Variants in TAFA2 observed in about 807,000 individuals in gnomAD.
TAFA2 encodes chemokine-like protein TAFA-2.
A neutral mutation model predicts 18.8 loss-of-function variants in TAFA2; 7 were observed. The observed-to-expected ratio is 0.37, with a 90% confidence interval of 0.21 to 0.70. The LOEUF (loss-of-function observed/expected upper bound fraction) is 0.70. TAFA2 is among the 30% of genes least tolerant of loss of function. The probability of loss-of-function intolerance (pLI) is 0.53; values close to 1 mark genes in which losing one functional copy is unlikely to be tolerated. For synonymous variants in TAFA2, 60 were observed against 54.2 expected (o/e 1.11, Z -0.47); for missense variants, 122 against 158.1 (o/e 0.77, Z 1.23).
chr12:62,105,134 T>G (rs1464481606), intron 1 of TAFA2, among the ~76,000 whole-genome samples: 4 of 152,166 alleles, frequency 2.6e-5, no homozygotes, highest in African/African-American at 4.8e-5. Flanking sequence ...CCATACAGGT[T>G]TGGTGTGATT....
intron 2 of TAFA2, among the ~76,000 whole-genome samples, chr12:61,802,618 GT>G (rs1450562605): frequency 3.3e-5 from 5 of 151,966 alleles, no homozygotes; most frequent in East Asian, 3.9e-4. Context: ...TAGAGGGGAG[GT>G]GATGATAAGA....
intron 2 of TAFA2, among the ~76,000 whole-genome samples, chr12:61,778,666 T>C (rs1366223705): frequency 6.6e-6 from 1 of 151,902 alleles, no homozygotes; most frequent in Non-Finnish European, 1.5e-5. Flanking sequence ...AGGAGACTGA[T>C]CCAGGAAACA....
At chr12:62,165,840 G>A (rs2062434721) in intron 1 of TAFA2, among the ~76,000 whole-genome samples, 1 of 151,780 alleles carries the variant, frequency 6.6e-6, no homozygotes, top group African/African-American at 2.4e-5. Context: ...AACTCCCCAA[G>A]TTAGGGGACC....
intron 2 of TAFA2, among the ~76,000 whole-genome samples, chr12:61,762,627 C>T (rs1312264546): frequency 8.8e-6 from 1 of 113,354 alleles, no homozygotes; most frequent in Non-Finnish European, 1.9e-5. Context: ...GTTCTAATTT[C>T]ATTTTTTATA....
intron 2 of TAFA2, among the ~76,000 whole-genome samples, chr12:61,764,226 T>TGACTGATAGATAGATA (rs1555163209): frequency 6.6e-5 from 2 of 30,380 alleles, no homozygotes; most frequent in East Asian, 2.2e-3. Flanking sequence ...ATTAGATGAT[T>TGACTGATAGATAGATA]GATTGATAGA....
intron 1 of TAFA2, among the ~76,000 whole-genome samples, chr12:62,156,125 G>A (rs1236461925): frequency 6.6e-6 from 1 of 152,160 alleles, no homozygotes; most frequent in African/African-American, 2.4e-5. Flanking sequence ...CCATCAAAAA[G>A]TGGGCTAAGG....
chr12:62,104,136 A>G (rs1421585675), intron 1 of TAFA2, among the ~76,000 whole-genome samples: 1 of 152,212 alleles, frequency 6.6e-6, no homozygotes, highest in Non-Finnish European at 1.5e-5. Context: ...TTTTAATAGA[A>G]TAAAATTAGC....
intron 1 of TAFA2, among the ~76,000 whole-genome samples, chr12:61,976,287 C>A (rs1420984942): frequency 6.6e-6 from 1 of 151,810 alleles, no homozygotes; most frequent in African/African-American, 2.4e-5. Context: ...ACACTCCTAC[C>A]AACATGATAG....
At chr12:62,129,317 G>T (rs1870589565) in intron 1 of TAFA2, among the ~76,000 whole-genome samples, 1 of 151,924 alleles carries the variant, frequency 6.6e-6, no homozygotes, top group Admixed American at 6.6e-5. Flanking sequence ...CATTAAGAAA[G>T]ATCCAGTTGT....
intron 1 of TAFA2, among the ~76,000 whole-genome samples, chr12:62,163,215 C>G (rs1434477448): frequency 6.6e-6 from 1 of 151,958 alleles, no homozygotes; most frequent in African/African-American, 2.4e-5. Context: ...GGATCTCGCC[C>G]CAGAAATATG....
At chr12:61,718,800 C>A (rs756364337) in intron 4 of TAFA2, among the ~76,000 whole-genome samples, 1 of 152,110 alleles carries the variant, frequency 6.6e-6, no homozygotes, top group Non-Finnish European at 1.5e-5. Flanking sequence ...TATCCCCTTT[C>A]TGCCAGAAAG....
At position 62,153,668 on chromosome 12, in the gene TAFA2, CAAA is replaced by C. The variant is rs58786792; in HGVS notation, c.-2+37588_-2+37590del. On this transcript the variant is annotated intron_variant, in intron 1 of 4. Coordinates refer to ENST00000416284, the MANE Select transcript of TAFA2 (RefSeq NM_178539.5). ...CGGGTGACAGAGTAAGACCTTGTCTCAAAAAAAAAAAGGCAACATCAATTGTGT... is the reference window on the plus strand; with the variant it reads ...CGGGTGACAGAGTAAGACCTTGTCTCAAAAAAAAGGCAACATCAATTGTGT... Among the ~76,000 whole-genome samples, 6 of 140,760 alleles carry C rather than the reference CAAA, an allele frequency of 4.3e-5. 1 individual carries two copies. The highest frequency in any genetic ancestry group is 1.5e-4 in the African/African-American group (6 of 38,716). 92.3% of individuals were successfully genotyped at this position (140,760 alleles called of 152,430 possible). A position where few individuals can be genotyped will look rare whatever the true frequency, so the allele number is the denominator to read the frequency against.
chr12:61,835,373 G>T (rs1372254006), intron 2 of TAFA2, among the ~76,000 whole-genome samples: 1 of 151,818 alleles, frequency 6.6e-6, no homozygotes, highest in Non-Finnish European at 1.5e-5. Flanking sequence ...GGGGGGCCTG[G>T]CTTATTTTTT....
At chr12:61,749,109 T>TA (rs34814133) in intron 4 of TAFA2, among the ~76,000 whole-genome samples, 3,495 of 122,160 alleles carry the variant, frequency 0.029, 96 homozygotes, top group African/African-American at 0.081. Flanking sequence ...TTACTAAAAA[T>TA]AAAAAAAAAA....
At chr12:61,850,220 G>C in intron 2 of TAFA2, among the ~76,000 whole-genome samples, 1 of 151,776 alleles carries the variant, frequency 6.6e-6, no homozygotes. Flanking sequence ...GCTCCTCAGA[G>C]GGCAAAATTG....
intron 1 of TAFA2, among the ~76,000 whole-genome samples, chr12:62,201,193 A>G (rs928814700): frequency 6.6e-6 from 1 of 152,206 alleles, no homozygotes; most frequent in Admixed American, 6.5e-5. Context: ...AAACAGAGAC[A>G]GTTTGACTTC....
intron 1 of TAFA2, among the ~76,000 whole-genome samples, chr12:62,098,992 G>A (rs1370140143): frequency 6.6e-6 from 1 of 152,038 alleles, no homozygotes; most frequent in East Asian, 1.9e-4. Flanking sequence ...AAGACCACTT[G>A]AGGTTACAAA....
intron 1 of TAFA2, among the ~76,000 whole-genome samples, chr12:62,146,479 A>G (rs2062282332): frequency 6.6e-6 from 1 of 151,832 alleles, no homozygotes; most frequent in African/African-American, 2.4e-5. Flanking sequence ...AGACTGTTTC[A>G]TCATGTTGCC....
At chr12:61,938,479 A>G in intron 1 of TAFA2, among the ~76,000 whole-genome samples, 1 of 152,136 alleles carries the variant, frequency 6.6e-6, no homozygotes, top group Non-Finnish European at 1.5e-5. Flanking sequence ...AGGGTGGAGA[A>G]TAAGAGGAGG....
Sources: allele counts gnomAD v4.1 joint callset (sites outside exome capture counted in the v4.1 genomes callset), GRCh38; gene constraint gnomAD v4.1.1; transcripts MANE v1.5; gene names NCBI Gene and HGNC (gene_info 2026-07-23, HGNC 2026-07-21).